Variants in CHD9 observed in about 807,000 individuals in gnomAD.
CHD9 encodes the protein chromodomain helicase DNA binding protein 9.
A neutral mutation model predicts 316.1 loss-of-function variants in CHD9; 77 were observed. The observed-to-expected ratio is 0.24, with a 90% CI of 0.20 to 0.29. The LOEUF is 0.29. Among genes scored for constraint, CHD9 ranks in the 10% least tolerant of loss-of-function variants. CHD9 has a pLI of 1.00. For synonymous variants in CHD9, 1,129 were observed against 1,158.3 expected, an observed-to-expected ratio of 0.97 and a Z score of 0.51; for missense variants, 2,763 against 3,438.1, an observed-to-expected ratio of 0.80 and a Z score of 4.91.
intron 1 of CHD9, among the ~76,000 whole-genome samples, chr16:53,090,775 T>C (rs556054463): frequency 1.3e-5 from 2 of 152,284 alleles, no homozygotes; most frequent in Admixed American, 6.5e-5. Flanking sequence ...GTTCTCCCAC[T>C]TGGGGGCAGG....
Position 53,245,666 on chromosome 16 carries a change from G to A in CHD9, c.3270G>A (p.Leu1090=), listed in dbSNP as rs367924454. ...TAAAAGAAGATGTGGAAAAGAAGTT[G>A]GCACCTAAAGAAGAAACCATCATTG... ...RRLKEDVEKK[L]APKEETIIEV... Residue 1090 remains leucine, a synonymous_variant, in exon 15 of 39, where the codon TTG becomes TTA. Coordinates refer to ENST00000447540, the MANE Select transcript of CHD9 (RefSeq NM_001308319.2). This position sits in a 1 kb window ranked among gnomAD's most constrained non-coding sequence, Gnocchi z 4.1. 1.7e-4 allele frequency: 273 copies of A among 1,608,154 alleles called. No individual in the cohort carries two copies. In the African/African-American group the frequency reaches 3.4e-3, roughly 20 times the overall value.
chr16:53,117,882 G>A (rs1266602795), intron 1 of CHD9, among the ~76,000 whole-genome samples: 3 of 149,730 alleles, frequency 2.0e-5, no homozygotes, highest in South Asian at 2.1e-4. Flanking sequence ...CTGGAGTGCA[G>A]TGGTGCGATC....
chr16:53,228,617 G>A (rs867131491), intron 7 of CHD9, among the ~76,000 whole-genome samples: 38 of 141,898 alleles, frequency 2.7e-4, no homozygotes, highest in Middle Eastern at 4.6e-3. Flanking sequence ...GCGCAATCTC[G>A]GCTCACTGCA....
intron 1 of CHD9, among the ~76,000 whole-genome samples, chr16:53,144,431 T>A (rs2040395131): frequency 1.3e-5 from 2 of 152,136 alleles, no homozygotes; most frequent in African/African-American, 4.8e-5. Context: ...TAAGTTTTAA[T>A]TTGTGTTTTG....
chr16:53,125,218 A>ATTTTTTTTTTTTT (rs34096444), intron 1 of CHD9, among the ~76,000 whole-genome samples: 1 of 95,760 alleles, frequency 1.0e-5, no homozygotes, highest in Non-Finnish European at 2.0e-5. Context: ...TCAAGTTAGG[A>ATTTTTTTTTTTTT]TTTTTTTTTT....
chr16:53,314,528 A>G lies in CHD9; in HGVS notation c.7362+12A>G, dbSNP rs767353197. ...AACCACCTAATCATGTAAGTAAAGC[A>G]GTACTTAAAAACTGATCCTTGAATT... On this transcript the variant is annotated intron_variant, in intron 35 of 38. Coordinates refer to ENST00000447540, the MANE Select transcript of CHD9 (RefSeq NM_001308319.2). 6.5e-7 allele frequency: 1 copy of G among 1,540,784 alleles called. No homozygotes were observed. Among genetic ancestry groups the G allele is most frequent in the South Asian group, 1.2e-5 (1 of 80,696 alleles).
At chr16:53,188,565 A>T (rs886767048) in intron 2 of CHD9, among the ~76,000 whole-genome samples, 2 of 131,356 alleles carry the variant, frequency 1.5e-5, no homozygotes, top group Non-Finnish European at 3.2e-5. Context: ...ATTGCTAATG[A>T]TACTGAGCAT....
At chr16:53,055,483 G>T (rs2031956235) in intron 1 of CHD9, among the ~76,000 whole-genome samples, 1 of 136,336 alleles carries the variant, frequency 7.3e-6, no homozygotes, top group Non-Finnish European at 1.5e-5. Context: ...CGATGCCCTA[G>T]TTCCACCCCC....
In CHD9 at chr16:53,184,169, C is replaced by T. The variant is rs143598572; in HGVS notation, c.1453-25313C>T. Reference sequence around the variant, plus strand: ...CCATGTTAGCCAGGATGGTCTCGATCTCCTGACCTCGTGATCCTGGCTAAT... The same window carrying T: ...CCATGTTAGCCAGGATGGTCTCGATTTCCTGACCTCGTGATCCTGGCTAAT... On this transcript the variant is annotated intron_variant, in intron 2 of 38. Transcript: ENST00000447540. Among the ~76,000 whole-genome samples, 850 of 152,170 alleles carry T rather than the reference C, an allele frequency of 5.6e-3. 7 individuals carry two copies. Among genetic ancestry groups the T allele is most frequent in the African/African-American group, 0.02 (812 of 41,516 alleles).
Position 53,156,003 on chromosome 16 carries a change from CG to C in CHD9, c.-85del. ...CTGTTTTGGATTAGTTGATGACCTT[CG>C]GAAATGATCCAATAATATCTACTAT... On this transcript the variant is annotated 5_prime_UTR_variant, in exon 2 of 39. The change creates a premature stop within an existing upstream ORF in the 5' untranslated region. Coordinates refer to ENST00000447540, the MANE Select transcript of CHD9 (RefSeq NM_001308319.2). 1.6e-6 allele frequency: 2 copies of C among 1,275,602 alleles called. No individual in the cohort carries two copies. The highest frequency in any genetic ancestry group is 1.5e-5 in the South Asian group (1 of 65,060). The allele number at this position is 1,275,602 out of a possible 1,614,324, so 79.0% of individuals were successfully genotyped here. A position where few individuals can be genotyped will look rare whatever the true frequency, so the allele number is the denominator to read the frequency against.
intron 1 of CHD9, among the ~76,000 whole-genome samples, chr16:53,135,908 AAT>A (rs1463322497): frequency 6.6e-6 from 1 of 151,692 alleles, no homozygotes; most frequent in Non-Finnish European, 1.5e-5. Context: ...ATTTGAGAGA[AAT>A]AAATCAATAT....
At chr16:53,108,903 T>C (rs1323792544) in intron 1 of CHD9, among the ~76,000 whole-genome samples, 1 of 151,550 alleles carries the variant, frequency 6.6e-6, no homozygotes, top group Non-Finnish European at 1.5e-5. Context: ...AAAAATAAAA[T>C]AAAATAAAAT....
intron 1 of CHD9, among the ~76,000 whole-genome samples, chr16:53,152,283 T>C (rs2041184813): frequency 6.6e-6 from 1 of 152,216 alleles, no homozygotes; most frequent in Non-Finnish European, 1.5e-5. Context: ...AGTATTTTCT[T>C]TTCAGCATTC....
intron 2 of CHD9, among the ~76,000 whole-genome samples, chr16:53,165,514 A>G (rs932050118): frequency 2.4e-4 from 37 of 152,170 alleles, no homozygotes; most frequent in Non-Finnish European, 8.8e-5. Flanking sequence ...GCTCTGTTAG[A>G]ACAAGATGAA....
intron 1 of CHD9, among the ~76,000 whole-genome samples, chr16:53,087,368 C>T (rs1384903216): frequency 6.6e-6 from 1 of 152,168 alleles, no homozygotes; most frequent in Non-Finnish European, 1.5e-5. Context: ...CTCTCCTCTC[C>T]TGGCAGATGC....
chr16:53,209,550 C>T lies in CHD9; in HGVS notation c.1521C>T (p.Val507=). The T allele has an allele frequency of 6.2e-7, 1 of 1,613,648 alleles. No homozygotes were observed. Among genetic ancestry groups the T allele is most frequent in the African/African-American group, 1.3e-5 (1 of 75,000 alleles). ...AGTTGCAGAATACCCAGGTGAGGGT[C>T]ATGTCTGAGAAGAAGCAGAGAAAAA... ...YTKLQNTQVR[V]MSEKKQRKKV... The change falls in exon 3 of 39, where the codon GTC becomes GTT. Residue 507 remains valine (V), a synonymous_variant. Coordinates refer to ENST00000447540, the MANE Select transcript of CHD9 (RefSeq NM_001308319.2).
intron 1 of CHD9, among the ~76,000 whole-genome samples, chr16:53,141,174 TAC>T (rs2040078174): frequency 6.6e-6 from 1 of 152,220 alleles, no homozygotes; most frequent in South Asian, 2.1e-4. Flanking sequence ...TGTATTATTT[TAC>T]AGTCATTTTT....
At chr16:53,188,223 A>T (rs753139862) in intron 2 of CHD9, among the ~76,000 whole-genome samples, 3 of 152,196 alleles carry the variant, frequency 2.0e-5, no homozygotes, top group Non-Finnish European at 4.4e-5. Flanking sequence ...ACCACATTTT[A>T]TTCATTTATT....
rs530233406 is a variant in CHD9 at position 53,306,353 on chromosome 16, A to G, written c.6736A>G (p.Ile2246Val). 4 of 1,609,926 alleles carry G rather than the reference A, an allele frequency of 2.5e-6. No homozygotes were observed. The South Asian group carries it at 3.3e-5, about 13-fold the overall frequency. ...CAATGGGACACCAGAGTCTGCTTATATCTTACAAGGTGGATATATGCTGGC... is the reference window on the plus strand; with the variant it reads ...CAATGGGACACCAGAGTCTGCTTATGTCTTACAAGGTGGATATATGCTGGC... ...MNNGTPESAY[I>V]LQGGYMLAAS... is the part of the protein sequence containing the mutation. The change falls in exon 32 of 39, where the codon ATC becomes GTC. Residue 2246 changes from isoleucine (I) to valine (V), a missense_variant. Around this residue, in one of 15 missense-constraint regions of CHD9, gnomAD observed 663 missense variants for 751.2 expected, o/e 0.88. Coordinates refer to ENST00000447540, the MANE Select transcript of CHD9 (RefSeq NM_001308319.2).
Sources: gnomAD v4.1 joint callset for allele counts (sites outside exome capture counted in the v4.1 genomes callset) on GRCh38, gnomAD v4.1.1 for gene constraint, gnomAD v4.1.1 regional missense constraint, Gnocchi (gnomAD v3.1) non-coding constraint, MANE v1.5 for transcripts, NCBI Gene and HGNC (gene_info 2026-07-23, HGNC 2026-07-21) for gene names.